ARHGEF3: variants seen among roughly 807,000 people sequenced by gnomAD.
The protein encoded by ARHGEF3 is 59.8 kDA protein.
Under a neutral mutation model 63.2 loss-of-function variants are expected in ARHGEF3, and 28 were observed. The observed-to-expected ratio is 0.44, with a 90% CI of 0.33 to 0.61. ARHGEF3 has a LOEUF of 0.61. ARHGEF3 is among the 20% of genes least tolerant of loss of function. The pLI, the probability that ARHGEF3 is intolerant of heterozygous loss-of-function variation, is 0.03. For missense variants in ARHGEF3, 533 were observed against 659.3 expected (o/e 0.81, Z 2.10); for synonymous variants, 266 against 254.2 (o/e 1.05, Z -0.44).
At position 56,751,420 on chromosome 3, in the gene ARHGEF3, G is replaced by T. The variant is rs1269752260; in HGVS notation, c.439-24C>A. 3 of 1,578,482 alleles carry T rather than the reference G, an allele frequency of 1.9e-6. No individual in the cohort carries two copies. In the Admixed American group the frequency reaches 5.0e-5, roughly 26 times the overall value. ...GCCTGCACAAAAACGGCAAGAGATG[G>T]AAGCACATGTTTAAAATCAGAGGAA... is the stretch of plus-strand genomic sequence containing the variant. On this transcript the variant is annotated intron_variant, in intron 4 of 9. Transcript: ENST00000296315.
chr3:56,818,665 T>G (rs187199193), intron 4 of ARHGEF3, among the ~76,000 whole-genome samples: 169 of 152,312 alleles, frequency 1.1e-3, no homozygotes, highest in African/African-American at 3.8e-3. Context: ...TTCTTTTTCG[T>G]GAGAATGAGC....
intron 2 of ARHGEF3, among the ~76,000 whole-genome samples, chr3:56,985,877 C>T (rs894825106): frequency 6.6e-6 from 1 of 152,172 alleles, no homozygotes; most frequent in African/African-American, 2.4e-5. Context: ...CAGCAAGGGG[C>T]AATGTGATGC....
intron 2 of ARHGEF3, among the ~76,000 whole-genome samples, chr3:57,002,181 G>A (rs1242877039): frequency 4.0e-5 from 6 of 151,206 alleles, no homozygotes; most frequent in African/African-American, 1.5e-4. Flanking sequence ...AAAGTGTTGG[G>A]ATTACAGGCG....
intron 3 of ARHGEF3, among the ~76,000 whole-genome samples, chr3:56,948,280 G>A (rs1332817552): frequency 1.3e-5 from 2 of 152,268 alleles, no homozygotes; most frequent in African/African-American, 4.8e-5. Flanking sequence ...ACTAAGATCA[G>A]AGCAGAACTG....
At position 56,968,231 on chromosome 3, in the gene ARHGEF3, T is replaced by TAA. The variant is rs1441253113; in HGVS notation, c.63-9343_63-9342insTT. ...AAATATATATTATATATAATATATA[T>TAA]ATAAATATATATATTAATATATAAT... On this transcript the variant is annotated intron_variant, in intron 2 of 12. Coordinates refer to the ARHGEF3 transcript ENST00000338458. Among the ~76,000 whole-genome samples, 3 of 45,042 alleles carry TAA rather than the reference T, an allele frequency of 6.7e-5. 1 individual carries two copies. The highest frequency in any genetic ancestry group is 1.2e-4 in the Non-Finnish European group (3 of 24,690). The allele number at this position is 45,042 out of a possible 152,430, so 29.5% of individuals were successfully genotyped here. A position where few individuals can be genotyped will look rare whatever the true frequency, so the allele number is the denominator to read the frequency against.
intron 1 of ARHGEF3, among the ~76,000 whole-genome samples, chr3:57,063,300 A>C (rs75360742): frequency 1.8e-4 from 28 of 152,236 alleles, no homozygotes; most frequent in African/African-American, 6.3e-4. Flanking sequence ...AGCCACCCTA[A>C]AGGCTTTGGC....
At chr3:56,857,984 C>T (rs902134739) in intron 4 of ARHGEF3, among the ~76,000 whole-genome samples, 16 of 152,136 alleles carry the variant, frequency 1.1e-4, no homozygotes, top group Non-Finnish European at 1.8e-4. Context: ...CAGCTCATGC[C>T]TGTAATCGTA....
chr3:56,737,860 A>C (rs539029696), intron 7 of ARHGEF3, among the ~76,000 whole-genome samples: 1 of 152,256 alleles, frequency 6.6e-6, no homozygotes, highest in South Asian at 2.1e-4. Context: ...GGTTTGAACA[A>C]ATGGTTTGAA....
At chr3:56,939,354 G>T (rs372711192) in intron 3 of ARHGEF3, among the ~76,000 whole-genome samples, 2 of 152,096 alleles carry the variant, frequency 1.3e-5, no homozygotes, top group African/African-American at 2.4e-5. Flanking sequence ...AATACATAAG[G>T]CTCTTTTGGA....
chr3:56,882,368 G>C, intron 3 of ARHGEF3: 1 of 1,550,688 alleles, frequency 6.4e-7, no homozygotes, highest in East Asian at 2.4e-5. Context: ...CAAAACAAAC[G>C]AAAAAACAAA....
intron 1 of ARHGEF3, among the ~76,000 whole-genome samples, chr3:56,787,546 C>T (rs1313434735): frequency 1.3e-5 from 2 of 152,062 alleles, no homozygotes; most frequent in South Asian, 2.1e-4. Flanking sequence ...ACAGCAACCC[C>T]GTTATCCTGT....
chr3:57,033,093 T>G lies in ARHGEF3; in HGVS notation c.62+1995A>C, dbSNP rs1197958968. 2.0e-5 allele frequency among the ~76,000 whole-genome samples: 3 copies of G among 152,118 alleles called. No homozygotes were observed. In the East Asian group the frequency reaches 5.8e-4, roughly 29 times the overall value. ...CATTCACCCAAAAGACTAGCAAAAT[T>G]AAAAAGCTAAAGATCTGAGGCATGG... On this transcript the variant is annotated intron_variant, in intron 2 of 12. Coordinates refer to the ARHGEF3 transcript ENST00000338458.
intron 6 of ARHGEF3, among the ~76,000 whole-genome samples, chr3:56,746,039 C>T (rs776407481): frequency 2.3e-4 from 35 of 152,228 alleles, no homozygotes; most frequent in Non-Finnish European, 4.4e-4. Context: ...TAGCAAAATG[C>T]TAATTTCTCT....
intron 3 of ARHGEF3, among the ~76,000 whole-genome samples, chr3:56,898,922 C>T (rs867821856): frequency 3.3e-5 from 5 of 152,064 alleles, no homozygotes; most frequent in African/African-American, 7.2e-5. Context: ...GGTGTGGTGG[C>T]ACACGCCTGT....
chr3:56,968,757 AT>A (rs1037830714), intron 2 of ARHGEF3, among the ~76,000 whole-genome samples: 7 of 152,058 alleles, frequency 4.6e-5, no homozygotes, highest in South Asian at 4.2e-4. Flanking sequence ...GAGATACTTT[AT>A]TTTTTTTCAT....
intron 2 of ARHGEF3, among the ~76,000 whole-genome samples, chr3:56,969,729 G>A (rs563813093): frequency 1.8e-4 from 26 of 145,480 alleles, no homozygotes; most frequent in Non-Finnish European, 2.7e-4. Flanking sequence ...CTCCAGCCTC[G>A]GTGACAGAGT....
At position 56,737,193 on chromosome 3, in the gene ARHGEF3, G is replaced by T. The variant is rs776506559; in HGVS notation, c.1033C>A (p.Arg345=). Residue 345 remains arginine, a synonymous_variant, in exon 8 of 10, where the codon CGG becomes AGG. Coordinates refer to ENST00000296315, the MANE Select transcript of ARHGEF3 (RefSeq NM_019555.3). ...AGGGAGTAACTACTTACCACGCCCC[G>T]ATTGTTCTTCAGTTCACCATGACAA... ...LCCHGELKNN[R]GVKLHVFLFQ... 1.9e-6 allele frequency: 3 copies of T among 1,613,324 alleles called. No homozygotes were observed. The African/African-American group carries it at 4.0e-5, about 22-fold the overall frequency.
At chr3:56,760,018 T>G (rs1035298249) in intron 2 of ARHGEF3, among the ~76,000 whole-genome samples, 2 of 152,220 alleles carry the variant, frequency 1.3e-5, no homozygotes, top group African/African-American at 4.8e-5. Flanking sequence ...ACCTATTGAT[T>G]TAATCAATCC....
Position 57,078,455 on chromosome 3 carries a change from G to A in ARHGEF3, c.-28+771C>T, listed in dbSNP as rs556299337. ...CATTCAAGCCCGTGATGGGGCTGCT[G>A]ATAGTGCAAGAGCAGCTCTCCACCA... On this transcript the variant is annotated intron_variant, in intron 1 of 12. Coordinates refer to the ARHGEF3 transcript ENST00000338458. The A allele has an allele frequency of 2.0e-5, 3 of 152,332 alleles. No individual in the cohort carries two copies. The South Asian group carries it at 6.2e-4, about 32-fold the overall frequency. The allele number at this position is 152,332 out of a possible 1,614,324, so 9.4% of individuals were successfully genotyped here. A position where few individuals can be genotyped will look rare whatever the true frequency, so the allele number is the denominator to read the frequency against.
Sources: allele counts gnomAD v4.1 joint callset (sites outside exome capture counted in the v4.1 genomes callset), GRCh38; gene constraint gnomAD v4.1.1; transcripts MANE v1.5; gene names NCBI Gene and HGNC (gene_info 2026-07-23, HGNC 2026-07-21).